The following SDHAF3 variants were observed in gnomAD, a reference collection of about 807,000 sequenced individuals.
SDHAF3 encodes succinate dehydrogenase complex assembly factor 3.
In SDHAF3, 18 loss-of-function variants were observed where a neutral mutation model predicts 11.5. The ratio of observed to expected loss-of-function variants is 1.56; its 90% CI spans 1.08 to 2.32. The LOEUF (loss-of-function observed/expected upper bound fraction) is 2.32. Among genes scored for constraint, SDHAF3 ranks in the 30% most tolerant of loss-of-function variants. The probability of loss-of-function intolerance (pLI) is 0.00; values close to 1 mark genes in which losing one functional copy is unlikely to be tolerated. For synonymous variants in SDHAF3, 72 were observed against 59.3 expected, an observed-to-expected ratio of 1.21 and a Z score of -0.99; for missense variants, 200 against 154.4, an observed-to-expected ratio of 1.30 and a Z score of -1.57.
intron 1 of SDHAF3, chr7:97,136,248 A>G (rs1248431062): frequency 2.3e-6 from 1 of 440,126 alleles, no homozygotes; most frequent in African/African-American, 2.0e-5. Context: ...TTTTTTTTGA[A>G]ACATAACTTT....
chr7:97,122,626 G>T (rs1791519410), intron 1 of SDHAF3, among the ~76,000 whole-genome samples: 1 of 152,030 alleles, frequency 6.6e-6, no homozygotes, highest in Non-Finnish European at 1.5e-5. Context: ...CCAGTAACCA[G>T]AATAGTCATA....
At chr7:97,118,038 T>C in intron 1 of SDHAF3, 141 bp downstream of exon 1, 2 of 1,003,812 alleles carry the variant, frequency 2.0e-6, no homozygotes, top group Non-Finnish European at 2.8e-6. Flanking sequence ...CAGGTAACAC[T>C]TTCCAAAGTT....
chr7:97,140,168 G>T (rs562863027), intron 1 of SDHAF3, among the ~76,000 whole-genome samples: 1 of 152,192 alleles, frequency 6.6e-6, no homozygotes, highest in African/African-American at 2.4e-5. Context: ...TTTTGACTCT[G>T]ACTGTTCATT....
intron 1 of SDHAF3, among the ~76,000 whole-genome samples, chr7:97,122,730 G>A (rs1791520776): frequency 6.6e-6 from 1 of 152,270 alleles, no homozygotes; most frequent in Middle Eastern, 3.4e-3. Context: ...AGAGATATGT[G>A]TTGGTCTGAT....
chr7:97,143,425 A>G (rs1045358785), intron 1 of SDHAF3, among the ~76,000 whole-genome samples: 1 of 151,982 alleles, frequency 6.6e-6, no homozygotes, highest in Non-Finnish European at 1.5e-5. Context: ...ACACTGCACC[A>G]TATTTGTAGT....
intron 1 of SDHAF3, among the ~76,000 whole-genome samples, chr7:97,124,123 G>C (rs1462939513): frequency 6.6e-6 from 1 of 152,056 alleles, no homozygotes; most frequent in Non-Finnish European, 1.5e-5. Flanking sequence ...GGGTTTTTAT[G>C]GTTTTAGGTT....
chr7:97,138,135 AG>A (rs750154662), intron 1 of SDHAF3, among the ~76,000 whole-genome samples: 7 of 146,256 alleles, frequency 4.8e-5, no homozygotes, highest in Non-Finnish European at 9.0e-5. Flanking sequence ...GCTGGATCAC[AG>A]GGGTGAGCCA....
At chr7:97,129,752 GCT>G (rs1791637564) in intron 1 of SDHAF3, among the ~76,000 whole-genome samples, 1 of 152,142 alleles carries the variant, frequency 6.6e-6, no homozygotes, top group South Asian at 2.1e-4. Flanking sequence ...TAGTCTCTAT[GCT>G]CTGCCCACCC....
chr7:97,171,852 T>C (rs544004635), intron 1 of SDHAF3, among the ~76,000 whole-genome samples: 16 of 152,224 alleles, frequency 1.1e-4, no homozygotes, highest in African/African-American at 3.8e-4. Context: ...AGATATGTGA[T>C]TAAACAAAAT....
chr7:97,181,270 T>C lies in SDHAF3; in HGVS notation c.*55T>C, dbSNP rs1198557841. On this transcript the variant is annotated 3_prime_UTR_variant, in exon 2 of 2. Transcript: ENST00000432641. ...AAAAATTTAGAACCCCTACTTTAAC[T>C]GTCATTGGTTTTTGAAATATATTTA... 1 of 1,317,276 alleles carries C rather than the reference T, an allele frequency of 7.6e-7. No individual in the cohort carries two copies. Among genetic ancestry groups the C allele is most frequent in the Non-Finnish European group, 1.0e-6 (1 of 954,710 alleles). The allele number at this position is 1,317,276 out of a possible 1,614,324, so 81.6% of individuals were successfully genotyped here. A position where few individuals can be genotyped will look rare whatever the true frequency, so the allele number is the denominator to read the frequency against.
intron 1 of SDHAF3, among the ~76,000 whole-genome samples, chr7:97,139,270 A>T (rs927362975): frequency 1.4e-4 from 21 of 152,054 alleles, no homozygotes; most frequent in Non-Finnish European, 8.8e-5. Context: ...TGGAGAGGGG[A>T]CTCAAAGTGA....
chr7:97,174,453 G>A (rs1374682642), intron 1 of SDHAF3, among the ~76,000 whole-genome samples: 4 of 152,168 alleles, frequency 2.6e-5, no homozygotes, highest in African/African-American at 9.7e-5. Context: ...AAACTACAGA[G>A]TATATTCAGT....
At chr7:97,176,894 T>C (rs896333589) in intron 1 of SDHAF3, among the ~76,000 whole-genome samples, 22 of 152,242 alleles carry the variant, frequency 1.4e-4, no homozygotes, top group African/African-American at 5.3e-4. Flanking sequence ...TTTTGAAATA[T>C]TTAGTTCACT....
At chr7:97,161,269 T>C (rs1398286437) in intron 1 of SDHAF3, among the ~76,000 whole-genome samples, 2 of 152,146 alleles carry the variant, frequency 1.3e-5, no homozygotes, top group Non-Finnish European at 2.9e-5. Flanking sequence ...TAAATTATTT[T>C]CCTCTATTAG....
chr7:97,137,817 A>G (rs995830776), intron 1 of SDHAF3, among the ~76,000 whole-genome samples: 2 of 149,466 alleles, frequency 1.3e-5, no homozygotes, highest in Admixed American at 1.3e-4. Context: ...TTATCTACCA[A>G]TATATCTACC....
rs547218664 is a variant in SDHAF3, at chr7:97,139,906, G to A, written c.174+22009G>A. Reference sequence around the variant, plus strand: ...TTGTCAGTACCTCTGGATGTTTGTAGTTATTTCATGAATAATCTTGCCTTT... The same window carrying A: ...TTGTCAGTACCTCTGGATGTTTGTAATTATTTCATGAATAATCTTGCCTTT... On this transcript the variant is annotated intron_variant, in intron 1 of 1. Transcript: ENST00000432641. Among the ~76,000 whole-genome samples, 62 of 152,282 alleles carry A rather than the reference G, an allele frequency of 4.1e-4. 1 individual carries two copies. In the South Asian group the frequency reaches 0.013, roughly 31 times the overall value.
intron 1 of SDHAF3, among the ~76,000 whole-genome samples, chr7:97,146,788 C>CT (rs752676493): frequency 0.017 from 2,306 of 139,442 alleles, 56 homozygotes; most frequent in African/African-American, 0.05. Context: ...TAATAGGTAC[C>CT]TTTTTTTTTT....
chr7:97,159,761 T>C (rs541886302), intron 1 of SDHAF3, among the ~76,000 whole-genome samples: 1 of 152,350 alleles, frequency 6.6e-6, no homozygotes, highest in East Asian at 1.9e-4. Context: ...GAAACTGTCC[T>C]ACTGAGATTT....
intron 1 of SDHAF3, among the ~76,000 whole-genome samples, chr7:97,131,662 A>C (rs1268882781): frequency 6.6e-6 from 1 of 152,210 alleles, no homozygotes; most frequent in Non-Finnish European, 1.5e-5. Context: ...GGCTTGGTTA[A>C]ATTATAAAGA....
Sources: allele counts gnomAD v4.1 joint callset (sites outside exome capture counted in the v4.1 genomes callset), GRCh38; gene constraint gnomAD v4.1.1; transcripts MANE v1.5; gene names NCBI Gene and HGNC (gene_info 2026-07-23, HGNC 2026-07-21).